CALCRL: variants seen among roughly 807,000 people sequenced by gnomAD.
CALCRL encodes the protein calcitonin receptor like receptor, also known as calcitonin gene-related peptide type 1 receptor.
Under a neutral mutation model 60.4 loss-of-function variants are expected in CALCRL, and 27 were observed. The observed-to-expected ratio is 0.45, with a 90% CI of 0.33 to 0.62. CALCRL has a LOEUF of 0.62. CALCRL is among the 20% of genes least tolerant of loss of function. The pLI, the probability that CALCRL is intolerant of heterozygous loss-of-function variation, is 0.03. For synonymous variants in CALCRL, 190 were observed against 182.6 expected (o/e 1.04, Z -0.33); for missense variants, 424 against 540.7 (o/e 0.78, Z 2.14).
chr2:187,357,769 C>T (rs1371003561), intron 12 of CALCRL, among the ~76,000 whole-genome samples: 1 of 150,750 alleles, frequency 6.6e-6, no homozygotes, highest in African/African-American at 2.4e-5. Flanking sequence ...ACATTGTGCA[C>T]ATGTACCCTA....
At chr2:187,442,936 A>G (rs1462869990) in intron 1 of CALCRL, among the ~76,000 whole-genome samples, 3 of 151,940 alleles carry the variant, frequency 2.0e-5, no homozygotes, top group African/African-American at 4.8e-5. Context: ...ATGTAGATTC[A>G]TAATATATGT....
chr2:187,428,664 C>T (rs11894589), intron 1 of CALCRL: 39,839 of 152,170 alleles, frequency 0.26, 5,533 homozygotes, highest in Middle Eastern at 0.33. Flanking sequence ...GAGGCCAAGG[C>T]GGGTGGATCA....
chr2:187,373,380 T>C (rs964428076), intron 8 of CALCRL, among the ~76,000 whole-genome samples: 3 of 152,182 alleles, frequency 2.0e-5, no homozygotes, highest in Non-Finnish European at 4.4e-5. Flanking sequence ...CTTCTGGTCA[T>C]AAAAAAATCT....
chr2:187,396,022 TTGTTGTTG>T (rs768864288), intron 1 of CALCRL, among the ~76,000 whole-genome samples: 7 of 43,546 alleles, frequency 1.6e-4, no homozygotes, highest in Non-Finnish European at 2.5e-4. Flanking sequence ...CTGACACTGT[TTGTTGTTG>T]TTGTTGTTGT....
intron 1 of CALCRL, chr2:187,415,641 G>A (rs1689570401): frequency 8.1e-6 from 5 of 617,940 alleles, no homozygotes; most frequent in South Asian, 6.5e-5. Context: ...AGGCATCGGA[G>A]GGCCCCCTCA....
At chr2:187,443,730 T>C (rs1175051871) in intron 1 of CALCRL, among the ~76,000 whole-genome samples, 1 of 151,762 alleles carries the variant, frequency 6.6e-6, no homozygotes, top group East Asian at 1.9e-4. Context: ...CAGTTTTGTA[T>C]TGATGACATT....
intron 1 of CALCRL, among the ~76,000 whole-genome samples, chr2:187,426,139 G>T (rs901016337): frequency 1.3e-5 from 2 of 151,616 alleles, no homozygotes; most frequent in East Asian, 1.9e-4. Context: ...AAGGAATAAA[G>T]GTAGCACGGA....
intron 1 of CALCRL, among the ~76,000 whole-genome samples, chr2:187,430,054 A>G (rs1195519714): frequency 1.3e-5 from 2 of 152,198 alleles, no homozygotes; most frequent in East Asian, 3.8e-4. Flanking sequence ...GCCTTTTGAA[A>G]GTTGATCTGA....
At chr2:187,440,485 T>G (rs956756260) in intron 1 of CALCRL, among the ~76,000 whole-genome samples, 1 of 152,166 alleles carries the variant, frequency 6.6e-6, no homozygotes, top group African/African-American at 2.4e-5. Context: ...AAGTTAGGAA[T>G]CCATTAACTA....
chr2:187,395,008 A>C (rs1688600531), intron 1 of CALCRL, among the ~76,000 whole-genome samples: 1 of 152,066 alleles, frequency 6.6e-6, no homozygotes, highest in Non-Finnish European at 1.5e-5. Flanking sequence ...GATATAAAAA[A>C]CTTGCTTAAT....
rs185922515 is a variant in CALCRL, at chr2:187,383,429, G to T, written c.52-124C>A. On this transcript the variant is annotated intron_variant, in intron 4 of 14. Coordinates refer to ENST00000392370, the MANE Select transcript of CALCRL (RefSeq NM_005795.6). Reference sequence around the variant, plus strand: ...GTGATGTACTGGAAGATAAACTGGCGCTCTAGGGAAAAAACCCCAATTTGT... The same window carrying T: ...GTGATGTACTGGAAGATAAACTGGCTCTCTAGGGAAAAAACCCCAATTTGT... The T allele has an allele frequency of 4.8e-4, 342 of 706,386 alleles. 6 individuals are homozygous for T. In the South Asian group the frequency reaches 8.4e-3, roughly 17 times the overall value. The allele number at this position is 706,386 out of a possible 1,614,324, so 43.8% of individuals were successfully genotyped here. A position where few individuals can be genotyped will look rare whatever the true frequency, so the allele number is the denominator to read the frequency against.
intron 1 of CALCRL, among the ~76,000 whole-genome samples, chr2:187,435,165 T>C (rs1470344479): frequency 6.6e-6 from 1 of 152,180 alleles, no homozygotes; most frequent in African/African-American, 2.4e-5. Context: ...ATAGGTTGAA[T>C]TGGCTCACGG....
At position 187,413,140 on chromosome 2, in the gene CALCRL, AG is replaced by A. The variant is rs1011630612; in HGVS notation, c.-292-25385del. On this transcript the variant is annotated intron_variant, in intron 1 of 14. Coordinates refer to ENST00000392370, the MANE Select transcript of CALCRL (RefSeq NM_005795.6). ...TTAGGGTTATGGAAATAGAAGCTCCAGGGAGAGGGGAAATCTAAGCTTGCCC... is the reference window on the plus strand; with the variant it reads ...TTAGGGTTATGGAAATAGAAGCTCCAGGAGAGGGGAAATCTAAGCTTGCCC... 4.2e-4 allele frequency among the ~76,000 whole-genome samples: 64 copies of A among 152,208 alleles called. 1 individual carries two copies. Among genetic ancestry groups the A allele is most frequent in the African/African-American group, 1.5e-3 (61 of 41,462 alleles).
At chr2:187,445,253 A>G (rs1367382387) in intron 1 of CALCRL, among the ~76,000 whole-genome samples, 1 of 151,582 alleles carries the variant, frequency 6.6e-6, no homozygotes, top group African/African-American at 2.4e-5. Flanking sequence ...GCTTGTGTTT[A>G]TGGTTTAATA....
At chr2:187,412,021 GAGAA>G (rs1355767560) in intron 1 of CALCRL, among the ~76,000 whole-genome samples, 1 of 148,334 alleles carries the variant, frequency 6.7e-6, no homozygotes, top group Non-Finnish European at 1.5e-5. Context: ...CCTGTGTGCA[GAGAA>G]AGAATTAGCA....
chr2:187,442,787 T>A (rs1165143070), intron 1 of CALCRL, among the ~76,000 whole-genome samples: 1 of 151,918 alleles, frequency 6.6e-6, no homozygotes, highest in Non-Finnish European at 1.5e-5. Flanking sequence ...TTTGTGTAAA[T>A]AAATTTACTT....
chr2:187,346,252 G>GT lies in CALCRL; in HGVS notation c.1317dup (p.His440ThrfsTer9), dbSNP rs780308265. 72 of 1,611,980 alleles carry GT rather than the reference G, an allele frequency of 4.5e-5. No homozygotes were observed. Among genetic ancestry groups the GT allele is most frequent in the Non-Finnish European group, 5.9e-5 (70 of 1,178,818 alleles). On this transcript the variant is annotated frameshift_variant, in exon 15 of 15. Coordinates refer to ENST00000392370, the MANE Select transcript of CALCRL (RefSeq NM_005795.6). LOFTEE classifies it high-confidence loss of function. ...TCATGGATGCTTTTTCCATTTAAGT[G>GT]TTCACTAGGACAGTCATGACTATAA... is the stretch of plus-strand genomic sequence containing the variant.
intron 8 of CALCRL, among the ~76,000 whole-genome samples, chr2:187,363,919 T>G (rs1472106653): frequency 6.6e-6 from 1 of 152,206 alleles, no homozygotes; most frequent in African/African-American, 2.4e-5. Context: ...CTTTTTTCAT[T>G]ACACCATATA....
intron 8 of CALCRL, among the ~76,000 whole-genome samples, chr2:187,368,092 A>G (rs1687373724): frequency 6.6e-6 from 1 of 152,038 alleles, no homozygotes; most frequent in East Asian, 1.9e-4. Context: ...ATTATTTAAG[A>G]TCTTGAATCT....
Sources: allele counts gnomAD v4.1 joint callset (sites outside exome capture counted in the v4.1 genomes callset), GRCh38; gene constraint gnomAD v4.1.1; transcripts MANE v1.5; gene names NCBI Gene and HGNC (gene_info 2026-07-23, HGNC 2026-07-21).